TMCC2: variants seen among roughly 807,000 people sequenced by gnomAD.
The protein encoded by TMCC2 is transmembrane and coiled-coil domain family 2, also known as transmembrane and coiled-coil domains protein 2.
A neutral mutation model predicts 49.4 loss-of-function variants in TMCC2; 16 were observed. The observed-to-expected ratio is 0.32, with a 90% CI of 0.22 to 0.49. TMCC2 has a LOEUF of 0.49. TMCC2 is among the 20% of genes least tolerant of loss of function. The pLI is 0.99. For missense variants in TMCC2, 762 were observed against 989.8 expected (o/e 0.77, Z 3.09); for synonymous variants, 397 against 434.1 (o/e 0.91, Z 1.06).
chr1:205,260,890 T>G (rs1316651726), intron 2 of TMCC2, among the ~76,000 whole-genome samples: 1 of 152,230 alleles, frequency 6.6e-6, no homozygotes, highest in South Asian at 2.1e-4. Context: ...AGTATTTCAT[T>G]GCAAGAAATG....
At chr1:205,233,455 A>G (rs1007621029) in intron 1 of TMCC2, among the ~76,000 whole-genome samples, 5 of 152,174 alleles carry the variant, frequency 3.3e-5, no homozygotes, top group Admixed American at 2.6e-4. Flanking sequence ...TCGAAGCCAG[A>G]TATCTGAGAG....
At position 205,228,614 on chromosome 1, in the gene TMCC2, A is replaced by G; in HGVS notation, c.50A>G (p.Asp17Gly). ...DELQQQQGEEDGAGLEDAASH... is the reference protein window; with the variant it reads ...DELQQQQGEEGGAGLEDAASH... ...CTGCAGCAACAACAGGGCGAGGAGG[A>G]TGGAGCTGGGCTGGAAGATGCCGCT... Residue 17 changes from aspartate (D) to glycine (G), a missense_variant, in exon 1 of 5, where the codon GAT becomes GGT. By Grantham distance (94) the Asp-to-Gly change is moderately conservative. Coordinates refer to ENST00000358024, the MANE Select transcript of TMCC2 (RefSeq NM_014858.4). 1 of 1,613,044 alleles carries G rather than the reference A, an allele frequency of 6.2e-7. No homozygotes were observed. Among genetic ancestry groups the G allele is most frequent in the Non-Finnish European group, 8.5e-7 (1 of 1,179,570 alleles).
At chr1:205,262,907 C>T (rs1316094423) in intron 2 of TMCC2, among the ~76,000 whole-genome samples, 1 of 152,118 alleles carries the variant, frequency 6.6e-6, no homozygotes, top group East Asian at 1.9e-4. Flanking sequence ...TCAGTCTCAA[C>T]TAGGATCTCG....
intron 1 of TMCC2, chr1:205,229,003 T>G: frequency 2.2e-6 from 3 of 1,351,674 alleles, no homozygotes; most frequent in Non-Finnish European, 2.9e-6. Context: ...GCAAGCGTTT[T>G]AGTGACTCAC....
intron 2 of TMCC2, among the ~76,000 whole-genome samples, chr1:205,253,857 G>A (rs1443400308): frequency 6.6e-6 from 1 of 152,202 alleles, no homozygotes; most frequent in African/African-American, 2.4e-5. Flanking sequence ...TCCATGGTGA[G>A]GGAGCTTCAG....
chr1:205,246,615 G>T, intron 2 of TMCC2: 1 of 1,550,320 alleles, frequency 6.5e-7, no homozygotes, highest in Non-Finnish European at 8.7e-7. Context: ...GAGGAGCCCA[G>T]CAGAATGAAC....
rs1661647138 is a variant in TMCC2 at position 205,272,689 on chromosome 1, C to G, written c.*565C>G. 1 of 155,678 alleles carries G rather than the reference C, an allele frequency of 6.4e-6. No homozygotes were observed. Among genetic ancestry groups the G allele is most frequent in the East Asian group, 1.9e-4 (1 of 5,202 alleles). The allele number at this position is 155,678 out of a possible 1,614,324, so 9.6% of individuals were successfully genotyped here. A position where few individuals can be genotyped will look rare whatever the true frequency, so the allele number is the denominator to read the frequency against. ...AGTGTGGAGCTCAGCATCCCCACCC[C>G]ACCCCTCCTCCCTGTAGAGCTGATT... On this transcript the variant is annotated 3_prime_UTR_variant, in exon 5 of 5. Coordinates refer to ENST00000358024, the MANE Select transcript of TMCC2 (RefSeq NM_014858.4).
At chr1:205,268,013 C>T (rs745342497) in intron 2 of TMCC2, 1 of 985,338 alleles carries the variant, frequency 1.0e-6, no homozygotes, top group Non-Finnish European at 1.2e-6. Flanking sequence ...GGGGCTTCCA[C>T]CATTATGAAG....
chr1:205,257,191 G>T, intron 2 of TMCC2: 1 of 1,232,530 alleles, frequency 8.1e-7, no homozygotes, highest in Middle Eastern at 3.1e-4. Flanking sequence ...CCCAGGCTGT[G>T]CCTCAGTCTG....
rs144520217 is a variant in TMCC2 at position 205,252,025 on chromosome 1, T to C, written c.747+9981T>C. Among the ~76,000 whole-genome samples the C allele has an allele frequency of 6.6e-5, 10 of 152,282 alleles. No individual in the cohort carries two copies. In the East Asian group the frequency reaches 1.9e-3, roughly 29 times the overall value. ...CCCAAAAAGGAGATGTGGCTTCCTC[T>C]CCGGGTCACTTTCTCTTGGGCCTGT... On this transcript the variant is annotated intron_variant, in intron 2 of 4. Transcript: ENST00000358024.
At chr1:205,238,945 G>A (rs1385020200) in intron 1 of TMCC2, among the ~76,000 whole-genome samples, 1 of 152,182 alleles carries the variant, frequency 6.6e-6, no homozygotes, top group East Asian at 1.9e-4. Context: ...AAATGCTGTT[G>A]TATAAATTTT....
At chr1:205,252,927 C>A (rs1293711961) in intron 2 of TMCC2, among the ~76,000 whole-genome samples, 8 of 151,134 alleles carry the variant, frequency 5.3e-5, no homozygotes, top group Non-Finnish European at 1.2e-4. Flanking sequence ...TCGAGGCCAG[C>A]CTGGGCAACA....
intron 2 of TMCC2, among the ~76,000 whole-genome samples, chr1:205,266,219 C>T (rs1392262084): frequency 8.8e-5 from 12 of 136,760 alleles, no homozygotes; most frequent in African/African-American, 2.0e-4. Flanking sequence ...GCAGCCTGGG[C>T]GACAGAGCGA....
intron 2 of TMCC2, among the ~76,000 whole-genome samples, chr1:205,265,837 G>A (rs1661301439): frequency 6.6e-6 from 1 of 151,500 alleles, no homozygotes; most frequent in Non-Finnish European, 1.5e-5. Context: ...GGGATTACAG[G>A]CATGAGGCAC....
rs934388708 is a variant in TMCC2 at position 205,264,921 on chromosome 1, T to G, written c.748-4029T>G. The stretch of plus-strand genomic sequence containing the variant: ...ATCCTTTGTCCAAAACATTTAGAAT[T>G]TGAGAAAAAGAGAAGAGCCCAGAGG... On this transcript the variant is annotated intron_variant, in intron 2 of 4. Transcript: ENST00000358024. The surrounding 1 kb of genome is among the most constrained non-coding windows in gnomAD (Gnocchi z 4.2). Among the ~76,000 whole-genome samples, 1 of 152,144 alleles carries G rather than the reference T, an allele frequency of 6.6e-6. No individual in the cohort carries two copies. The highest frequency in any genetic ancestry group is 1.5e-5 in the Non-Finnish European group (1 of 68,018).
chr1:205,246,524 G>A, intron 2 of TMCC2: 1 of 1,514,536 alleles, frequency 6.6e-7, no homozygotes, highest in South Asian at 1.3e-5. Context: ...AGCCTCCACT[G>A]GGGAGAAGTC....
intron 2 of TMCC2, among the ~76,000 whole-genome samples, chr1:205,255,439 C>T (rs1309659944): frequency 6.6e-6 from 1 of 152,134 alleles, no homozygotes; most frequent in East Asian, 1.9e-4. Flanking sequence ...CCTGTAGTCC[C>T]AGCTACTTGG....
intron 2 of TMCC2, chr1:205,256,155 G>C: frequency 1.5e-6 from 2 of 1,361,978 alleles, no homozygotes; most frequent in Non-Finnish European, 1.9e-6. Context: ...TCAACGTGAC[G>C]CGTGTCGGCC....
chr1:205,243,506 G>A (rs1660349044), intron 2 of TMCC2, among the ~76,000 whole-genome samples: 1 of 152,236 alleles, frequency 6.6e-6, no homozygotes, highest in African/African-American at 2.4e-5. Flanking sequence ...TGGAAAGAAG[G>A]CGCCAAGTGC....
Sources: allele counts gnomAD v4.1 joint callset (sites outside exome capture counted in the v4.1 genomes callset), GRCh38; gene constraint gnomAD v4.1.1; non-coding constraint Gnocchi (gnomAD v3.1); transcripts MANE v1.5; gene names NCBI Gene and HGNC (gene_info 2026-07-23, HGNC 2026-07-21).